HK2: variants seen among roughly 807,000 people sequenced by gnomAD.
HK2 encodes the protein hexokinase-2.
Under a neutral mutation model 92.9 loss-of-function variants are expected in HK2, and 42 were observed. The ratio of observed to expected loss-of-function variants is 0.45; its 90% CI spans 0.35 to 0.58. The LOEUF (loss-of-function observed/expected upper bound fraction) is 0.58, where lower values mean the gene tolerates loss of function less well. Ranked by LOEUF, HK2 falls within the 20% of genes least tolerant of loss-of-function variation. The pLI, the probability that HK2 is intolerant of heterozygous loss-of-function variation, is 0.00. For missense variants in HK2, 978 were observed against 1,245.1 expected (o/e 0.79, Z 3.23); for synonymous variants, 422 against 468.0 (o/e 0.90, Z 1.27).
intron 2 of HK2, among the ~76,000 whole-genome samples, chr2:74,863,103 A>G (rs920765710): frequency 6.6e-6 from 1 of 151,988 alleles, no homozygotes; most frequent in African/African-American, 2.4e-5. Context: ...GGCTAATTAC[A>G]CCTCTCTGTG....
In HK2 at chr2:74,886,825, C is replaced by A. The variant is rs528860496; in HGVS notation, c.2219+152C>A. 7.2e-6 allele frequency: 6 copies of A among 832,876 alleles called. No individual in the cohort carries two copies. In the African/African-American group the frequency reaches 8.4e-5, roughly 12 times the overall value. The allele number at this position is 832,876 out of a possible 1,614,324, so 51.6% of individuals were successfully genotyped here. ...TGGAAAGGGTTTCTTGTCGAATGCA[C>A]CTGGAAAGTTCTGAGTTAGTAAATG... On this transcript the variant is annotated intron_variant, in intron 15 of 17. Transcript: ENST00000290573.
chr2:74,875,422 G>A (rs907094731), intron 7 of HK2, among the ~76,000 whole-genome samples: 9 of 140,950 alleles, frequency 6.4e-5, no homozygotes, highest in Non-Finnish European at 1.2e-4. Flanking sequence ...TCTGCCTCCC[G>A]GGTTCAAGCG....
At chr2:74,850,760 G>A (rs1031687111) in intron 1 of HK2, among the ~76,000 whole-genome samples, 1 of 152,178 alleles carries the variant, frequency 6.6e-6, no homozygotes, top group South Asian at 2.1e-4. Context: ...TCTGACTTCT[G>A]CTTCCCTTGG....
At chr2:74,878,377 A>T (rs537772720) in intron 8 of HK2, among the ~76,000 whole-genome samples, 70 of 151,758 alleles carry the variant, frequency 4.6e-4, no homozygotes, top group African/African-American at 1.6e-3. Flanking sequence ...TAGCACATGC[A>T]TAAGAAATAC....
rs532213676 is a variant in HK2, at chr2:74,877,500, T to G, written c.1031+179T>G. ...CTTCACTTACCAGTCTCCACTCTTGTCGATTTCGATTGTGATTGCTACCAG... is the reference window on the plus strand; with the variant it reads ...CTTCACTTACCAGTCTCCACTCTTGGCGATTTCGATTGTGATTGCTACCAG... On this transcript the variant is annotated intron_variant, in intron 8 of 17. Coordinates refer to ENST00000290573, the MANE Select transcript of HK2 (RefSeq NM_000189.5). 2.0e-5 allele frequency among the ~76,000 whole-genome samples: 3 copies of G among 152,210 alleles called. No individual in the cohort carries two copies. The East Asian group carries it at 5.8e-4, about 29-fold the overall frequency.
intron 1 of HK2, among the ~76,000 whole-genome samples, chr2:74,837,376 G>A (rs1474068056): frequency 6.6e-6 from 1 of 152,222 alleles, no homozygotes; most frequent in Non-Finnish European, 1.5e-5. Flanking sequence ...GACCACAGAT[G>A]GAACTAGCTC....
Position 74,844,603 on chromosome 2 carries a change from G to A in HK2, c.64-9690G>A, listed in dbSNP as rs536415592. Among the ~76,000 whole-genome samples, 7 of 152,310 alleles carry A rather than the reference G, an allele frequency of 4.6e-5. No homozygotes were observed. In the South Asian group the frequency reaches 6.2e-4, roughly 14 times the overall value. On this transcript the variant is annotated intron_variant, in intron 1 of 17. Transcript: ENST00000290573. ...AGGTATTTGATCCAGCAAGTGGACC[G>A]CTGGCAGCAGACAGGAGTGGGGAGT...
intron 12 of HK2, among the ~76,000 whole-genome samples, chr2:74,883,283 A>T (rs1227301676): frequency 1.3e-5 from 2 of 152,230 alleles, no homozygotes; most frequent in Non-Finnish European, 2.9e-5. Context: ...CAGAAAAGGA[A>T]GAGCTGCTGT....
At position 74,834,330 on chromosome 2, in the gene HK2, C is replaced by T; in HGVS notation, c.-251C>T. On this transcript the variant is annotated 5_prime_UTR_variant, in exon 1 of 18. Transcript: ENST00000290573. This position sits in a 1 kb window ranked among gnomAD's most constrained non-coding sequence, Gnocchi z 4.2. Reference sequence around the variant, plus strand: ...AAGTTAGCGCCTTGACGTGGGACAACCGGACACGTCGCCAGGAGAGAACTG... The same window carrying T: ...AAGTTAGCGCCTTGACGTGGGACAATCGGACACGTCGCCAGGAGAGAACTG... 2 of 570,198 alleles carry T rather than the reference C, an allele frequency of 3.5e-6. No homozygotes were observed. The highest frequency in any genetic ancestry group is 1.9e-5 in the African/African-American group (1 of 53,240). The allele number at this position is 570,198 out of a possible 1,614,324, so 35.3% of individuals were successfully genotyped here.
At chr2:74,890,749 A>G (rs1689656529) in intron 17 of HK2, 48 bp from the exon 18 acceptor site, 2 of 1,610,604 alleles carry the variant, frequency 1.2e-6, no homozygotes, top group Middle Eastern at 1.7e-4. Context: ...ATACAAACCA[A>G]TCATGACTAA....
chr2:74,853,753 C>A (rs1688626873), intron 1 of HK2, among the ~76,000 whole-genome samples: 1 of 146,724 alleles, frequency 6.8e-6, no homozygotes, highest in African/African-American at 2.4e-5. Flanking sequence ...CATGTGGGGC[C>A]CTGAAAGGAT....
intron 10 of HK2, 87 bp from the exon 11 acceptor site, chr2:74,881,624 T>C: frequency 7.7e-7 from 1 of 1,306,412 alleles, no homozygotes; most frequent in Non-Finnish European, 1.1e-6. Context: ...GGAACAGGAA[T>C]GGTGTATTTG....
chr2:74,880,192 C>A, intron 9 of HK2, 73 bp from the exon 10 acceptor site: 1 of 1,536,574 alleles, frequency 6.5e-7, no homozygotes, highest in Non-Finnish European at 9.0e-7. Flanking sequence ...AGGCGGTGGG[C>A]AACTGTCTAA....
In HK2 at chr2:74,886,567, G is replaced by T. The variant is rs772667103; in HGVS notation, c.2113G>T (p.Val705Leu). 1 of 1,614,100 alleles carries T rather than the reference G, an allele frequency of 6.2e-7. No individual in the cohort carries two copies. The change falls in exon 15 of 18, where the codon GTG (valine) becomes TTG (leucine). Residue 705 changes from valine to leucine, a missense_variant. By Grantham distance (32) the Val-to-Leu change is conservative. Transcript: ENST00000290573. The part of the protein sequence containing the change: ...LVEGEEGRMC[V>L]NMEWGAFGDN... ...GGAAGGAGAAGAGGGGCGGATGTGT[G>T]TGAACATGGAATGGGGGGCCTTCGG...
Position 74,834,131 on chromosome 2 carries a change from T to C in HK2, c.-450T>C, listed in dbSNP as rs2103806087. ...CCGGCAGCCCCTCAATAAGCCACAT[T>C]GTTGCATGAAACTCCGGCGCAGGAG... On this transcript the variant is annotated 5_prime_UTR_variant, in exon 1 of 18. Coordinates refer to ENST00000290573, the MANE Select transcript of HK2 (RefSeq NM_000189.5). This position sits in a 1 kb window ranked among gnomAD's most constrained non-coding sequence, Gnocchi z 4.2. 3.1e-6 allele frequency: 1 copy of C among 325,742 alleles called. No homozygotes were observed. Among genetic ancestry groups the C allele is most frequent in the South Asian group, 2.5e-5 (1 of 40,662 alleles). 20.2% of individuals were successfully genotyped at this position (325,742 alleles called of 1,614,324 possible).
At chr2:74,882,580 T>C (rs1429738168) in intron 12 of HK2, among the ~76,000 whole-genome samples, 1 of 137,750 alleles carries the variant, frequency 7.3e-6, no homozygotes, top group African/African-American at 2.7e-5. Context: ...CTAGGCAACA[T>C]AGGAAGACCC....
At chr2:74,845,593 T>G (rs1044464747) in intron 1 of HK2, among the ~76,000 whole-genome samples, 1 of 152,108 alleles carries the variant, frequency 6.6e-6, no homozygotes, top group African/African-American at 2.4e-5. Flanking sequence ...CCTGGAGGAG[T>G]GGCCCGTATG....
intron 1 of HK2, among the ~76,000 whole-genome samples, chr2:74,839,232 A>G (rs1386672539): frequency 6.6e-6 from 1 of 152,168 alleles, no homozygotes; most frequent in Non-Finnish European, 1.5e-5. Context: ...TTGTCTAGAG[A>G]GATATGGCTG....
chr2:74,853,409 C>T (rs1337598437), intron 1 of HK2, among the ~76,000 whole-genome samples: 11 of 151,842 alleles, frequency 7.2e-5, no homozygotes, highest in African/African-American at 2.2e-4. Context: ...CCCAGCTACT[C>T]GGGAGGCTGA....
Sources: allele counts gnomAD v4.1 joint callset (sites outside exome capture counted in the v4.1 genomes callset), GRCh38; gene constraint gnomAD v4.1.1; non-coding constraint Gnocchi (gnomAD v3.1); transcripts MANE v1.5; gene names NCBI Gene and HGNC (gene_info 2026-07-23, HGNC 2026-07-21).